The following FGF13 variants were observed in gnomAD, a reference collection of about 807,000 sequenced individuals.
FGF13 encodes the protein fibroblast growth factor 13, also known as fibroblast growth factor homologous factor 2.
A neutral mutation model predicts 19.5 loss-of-function variants in FGF13; 2 were observed. The observed-to-expected ratio is 0.10, with a 90% CI of 0.04 to 0.32. FGF13 has a LOEUF of 0.32. FGF13 is among the 10% of genes least tolerant of loss of function. The pLI, the probability that FGF13 is intolerant of heterozygous loss-of-function variation, is 1.00. For synonymous variants in FGF13, 72 were observed against 76.9 expected (o/e 0.94, Z 0.33); for missense variants, 113 against 192.7 (o/e 0.59, Z 2.45).
At chrX:139,101,471 T>A (rs2124457793) in intron 1 of FGF13, among the ~76,000 whole-genome samples, 1 of 112,710 alleles carries the variant, frequency 8.9e-6, no homozygotes, top group Non-Finnish European at 1.9e-5. Flanking sequence ...ATTATATTTT[T>A]ACGTGTGAAA....
At chrX:138,797,322 C>T (rs1452823823) in intron 3 of FGF13, among the ~76,000 whole-genome samples, 1 of 111,310 alleles carries the variant, frequency 9.0e-6, no homozygotes, top group Non-Finnish European at 1.9e-5. Flanking sequence ...AATCCTTTCC[C>T]TATTGCTTTT....
intron 2 of FGF13, chrX:138,857,732 C>A: frequency 3.0e-6 from 3 of 989,779 alleles, no homozygotes; most frequent in Non-Finnish European, 1.3e-6. Context: ...AGAAAAGCAG[C>A]GAATGTCTTA....
At chrX:139,165,651 G>A (rs768233432) in intron 1 of FGF13, among the ~76,000 whole-genome samples, 3 of 111,604 alleles carry the variant, frequency 2.7e-5, no homozygotes, top group South Asian at 3.8e-4. Context: ...TGCTCCCCAC[G>A]TTCTGGAGCT....
chrX:138,983,975 T>C lies in FGF13; in HGVS notation c.-112-119325A>G, dbSNP rs140892947. The stretch of plus-strand genomic sequence containing the variant: ...CAGTAGAATGCACTTAAAATGTGTT[T>C]AAAAAGAAAGGTCTCATGGTAAGTA... On this transcript the variant is annotated intron_variant, in intron 1 of 2. Transcript: ENST00000421460. 4.2e-3 allele frequency among the ~76,000 whole-genome samples: 471 copies of C among 112,174 alleles called. 1 individual carries two copies. The highest frequency in any genetic ancestry group is 0.014 in the African/African-American group (447 of 30,931).
intron 1 of FGF13, among the ~76,000 whole-genome samples, chrX:138,877,582 C>T (rs1303626360): frequency 1.8e-5 from 2 of 111,857 alleles, no homozygotes; most frequent in African/African-American, 6.5e-5. Flanking sequence ...AACCATTAAA[C>T]AACAACTTTC....
chrX:138,743,244 T>A (rs962184894), upstream of FGF13, among the ~76,000 whole-genome samples: 3 of 111,314 alleles, frequency 2.7e-5, no homozygotes, highest in African/African-American at 9.8e-5. Flanking sequence ...TGAAAATACA[T>A]AGAACTTTAA....
intron 1 of FGF13, among the ~76,000 whole-genome samples, chrX:139,067,000 C>T (rs2092359134): frequency 8.9e-6 from 1 of 111,759 alleles, no homozygotes; most frequent in Admixed American, 9.5e-5. Context: ...TAAACATAAT[C>T]CATCACATAA....
At chrX:139,195,887 C>T (rs768300722) in intron 1 of FGF13, among the ~76,000 whole-genome samples, 2 of 112,312 alleles carry the variant, frequency 1.8e-5, no homozygotes, top group South Asian at 7.3e-4. Flanking sequence ...TGAAAAACCT[C>T]TTCTGTGGAG....
intron 1 of FGF13, among the ~76,000 whole-genome samples, chrX:139,076,672 T>G (rs1419143160): frequency 8.9e-6 from 1 of 111,746 alleles, no homozygotes; most frequent in Non-Finnish European, 1.9e-5. Context: ...GTTATAATAA[T>G]GCACACAACT....
chrX:139,083,698 C>T (rs1243822000), intron 1 of FGF13, among the ~76,000 whole-genome samples: 1 of 110,146 alleles, frequency 9.1e-6, no homozygotes, highest in South Asian at 4.0e-4. Flanking sequence ...TGGTGAAACC[C>T]CGTCTCTACT....
At chrX:138,953,487 G>C (rs2091825028) in intron 1 of FGF13, among the ~76,000 whole-genome samples, 2 of 110,880 alleles carry the variant, frequency 1.8e-5, no homozygotes, top group African/African-American at 6.6e-5. Flanking sequence ...TAAATGACGA[G>C]TTGATGGGTG....
At chrX:139,066,241 C>G (rs766933855) in intron 1 of FGF13, among the ~76,000 whole-genome samples, 1 of 111,157 alleles carries the variant, frequency 9.0e-6, no homozygotes, top group Admixed American at 9.6e-5. Flanking sequence ...AAATCAACAT[C>G]CGAAGATCAC....
upstream of FGF13, among the ~76,000 whole-genome samples, chrX:138,713,495 A>T (rs1344828717): frequency 9.0e-6 from 1 of 111,476 alleles, no homozygotes; most frequent in East Asian, 2.8e-4. Context: ...CCAAGCACCA[A>T]CCCCAAGGGC....
intron 1 of FGF13, among the ~76,000 whole-genome samples, chrX:139,169,420 G>C (rs955008847): frequency 9.0e-6 from 1 of 110,716 alleles, no homozygotes; most frequent in African/African-American, 3.3e-5. Context: ...CCTGTCTCCA[G>C]CTCCCCTTGC....
At chrX:139,121,052 G>A (rs1052583980) in intron 1 of FGF13, among the ~76,000 whole-genome samples, 5 of 112,399 alleles carry the variant, frequency 4.4e-5, no homozygotes, top group Non-Finnish European at 9.4e-5. Flanking sequence ...ATAGTAGAAA[G>A]TGGTATGGGG....
intron 3 of FGF13, among the ~76,000 whole-genome samples, chrX:138,665,285 C>T (rs1253394645): frequency 9.0e-6 from 1 of 111,196 alleles, no homozygotes; most frequent in Admixed American, 9.6e-5. Flanking sequence ...TCCACGGCTA[C>T]CTGGGGTTCA....
chrX:139,194,597 T>G (rs893457592), intron 1 of FGF13, among the ~76,000 whole-genome samples: 5 of 111,945 alleles, frequency 4.5e-5, no homozygotes, highest in Non-Finnish European at 9.4e-5. Context: ...CTTGGCCTTC[T>G]ATGCCTGCCT....
chrX:138,684,363 C>T (rs1409938381), intron 3 of FGF13, among the ~76,000 whole-genome samples: 2 of 111,468 alleles, frequency 1.8e-5, no homozygotes, highest in Admixed American at 9.5e-5. Flanking sequence ...CCAAATTCTT[C>T]CTTACTAAAG....
chrX:138,820,164 T>G (rs1038333875), intron 3 of FGF13, among the ~76,000 whole-genome samples: 1 of 112,226 alleles, frequency 8.9e-6, no homozygotes, highest in Non-Finnish European at 1.9e-5. Flanking sequence ...TGAACAGTTA[T>G]AAAGTAACTA....
Sources: allele counts gnomAD v4.1 joint callset (sites outside exome capture counted in the v4.1 genomes callset), GRCh38; gene constraint gnomAD v4.1.1; transcripts MANE v1.5; gene names NCBI Gene and HGNC (gene_info 2026-07-23, HGNC 2026-07-21).